The following SUN3 variants were observed in gnomAD, a reference collection of about 807,000 sequenced individuals.
SUN3 encodes SUN domain-containing protein 3.
SUN3 carries 36 observed loss-of-function variants against 48.2 expected under a neutral mutation model. The ratio of observed to expected loss-of-function variants is 0.75; its 90% confidence interval spans 0.57 to 0.99. The LOEUF (loss-of-function observed/expected upper bound fraction) is 0.99, where lower values mean the gene tolerates loss of function less well. Ranked by LOEUF, SUN3 falls within the 50% of genes least tolerant of loss-of-function variation. The probability of loss-of-function intolerance (pLI) is 0.00; values close to 1 mark genes in which losing one functional copy is unlikely to be tolerated. For missense variants in SUN3, 419 were observed against 433.1 expected, an observed-to-expected ratio of 0.97 and a Z score of 0.29; for synonymous variants, 148 against 147.9, an observed-to-expected ratio of 1.00 and a Z score of 0.00.
At chr7:48,006,169 C>T (rs1789520036) in intron 5 of SUN3, 116 bp from the exon 6 acceptor site, 1 of 666,804 alleles carries the variant, frequency 1.5e-6, no homozygotes, top group Admixed American at 2.6e-5. Flanking sequence ...CAGTGAGCCC[C>T]TATCAGCTGC....
intron 2 of SUN3, among the ~76,000 whole-genome samples, chr7:48,022,848 C>T (rs1790037669): frequency 6.6e-6 from 1 of 151,720 alleles, no homozygotes; most frequent in Non-Finnish European, 1.5e-5. Flanking sequence ...ACTATAGAGG[C>T]CAGAAGACAG....
upstream of SUN3, among the ~76,000 whole-genome samples, chr7:48,033,476 C>A (rs1344271305): frequency 1.3e-5 from 2 of 152,124 alleles, no homozygotes; most frequent in African/African-American, 4.8e-5. Context: ...GTGGGAGGAT[C>A]TCCTGAGCTT....
chr7:48,007,098 C>A (rs569566899), intron 5 of SUN3, 67 bp downstream of exon 5: 2 of 1,492,448 alleles, frequency 1.3e-6, no homozygotes, highest in South Asian at 1.3e-5. Flanking sequence ...ACTCACTCCC[C>A]GTCACCCTGG....
the SUN3 span, among the ~76,000 whole-genome samples, chr7:48,035,301 AC>A: frequency 2.8e-4 from 36 of 127,546 alleles, no homozygotes; most frequent in African/African-American, 9.2e-4. The surrounding 1 kb of genome is among the most constrained non-coding windows in gnomAD (Gnocchi z 4.0). Flanking sequence ...CCCTGCTCCC[AC>A]CCCCGCTGCG....
At chr7:47,995,573 T>C (rs148312138) in intron 7 of SUN3, among the ~76,000 whole-genome samples, 154 of 152,256 alleles carry the variant, frequency 1.0e-3, no homozygotes, top group African/African-American at 3.6e-3. Flanking sequence ...ACTGAAAAGT[T>C]TGGTGGGGAT....
intron 2 of SUN3, among the ~76,000 whole-genome samples, chr7:48,017,881 A>G (rs1361240020): frequency 1.3e-5 from 2 of 152,196 alleles, no homozygotes; most frequent in African/African-American, 2.4e-5. Flanking sequence ...GGCAATATCT[A>G]TTGAAAGACT....
At chr7:47,999,936 G>C (rs1170474544) in intron 6 of SUN3, among the ~76,000 whole-genome samples, 2 of 152,182 alleles carry the variant, frequency 1.3e-5, no homozygotes, top group Non-Finnish European at 2.9e-5. Flanking sequence ...GTTTATTTGA[G>C]TTAACTTTTT....
chr7:48,011,114 T>C (rs1485016348), intron 3 of SUN3, among the ~76,000 whole-genome samples: 1 of 152,218 alleles, frequency 6.6e-6, no homozygotes, highest in African/African-American at 2.4e-5. Flanking sequence ...TAATTACATC[T>C]GCAAATACCT....
At chr7:48,024,121 C>A (rs184987981) in intron 2 of SUN3, among the ~76,000 whole-genome samples, 42 of 152,154 alleles carry the variant, frequency 2.8e-4, no homozygotes, top group African/African-American at 9.4e-4. Context: ...GAGCTAAAAC[C>A]AGAAAACTCT....
intron 6 of SUN3, among the ~76,000 whole-genome samples, chr7:48,003,501 A>G (rs1789445420): frequency 6.6e-6 from 1 of 152,222 alleles, no homozygotes; most frequent in Admixed American, 6.5e-5. Context: ...TTTAGGCAGT[A>G]TGGGCATTTT....
At chr7:48,022,864 T>A (rs1396379589) in intron 2 of SUN3, among the ~76,000 whole-genome samples, 2 of 152,054 alleles carry the variant, frequency 1.3e-5, no homozygotes, top group East Asian at 3.9e-4. Flanking sequence ...GACAGTGGGA[T>A]GACATATTTA....
At chr7:47,999,754 C>T (rs886201546) in intron 6 of SUN3, among the ~76,000 whole-genome samples, 6 of 152,186 alleles carry the variant, frequency 3.9e-5, no homozygotes, top group Non-Finnish European at 7.3e-5. Context: ...AGGCTGGTCT[C>T]GAACTCCTGA....
intron 8 of SUN3, 115 bp downstream of exon 8, chr7:47,994,200 C>T: frequency 1.1e-6 from 1 of 924,246 alleles, no homozygotes. Context: ...AGCAGAAGTC[C>T]AGGAAATAAG....
chr7:48,016,551 C>G (rs1026464410), intron 3 of SUN3, among the ~76,000 whole-genome samples: 1 of 152,150 alleles, frequency 6.6e-6, no homozygotes, highest in South Asian at 2.1e-4. Flanking sequence ...AGAGGACATT[C>G]AGTGACTAGC....
chr7:47,997,285 A>T (rs1789240041), intron 6 of SUN3, among the ~76,000 whole-genome samples: 2 of 152,114 alleles, frequency 1.3e-5, no homozygotes, highest in Non-Finnish European at 2.9e-5. Flanking sequence ...ATACTAAAAG[A>T]TTATTTGCTA....
intron 6 of SUN3, among the ~76,000 whole-genome samples, 176 bp from the exon 7 acceptor site, chr7:47,996,322 T>C (rs1789211352): frequency 6.6e-6 from 1 of 152,212 alleles, no homozygotes; most frequent in African/African-American, 2.4e-5. Flanking sequence ...CACTGAAATT[T>C]TGTCATTTTG....
At chr7:48,019,888 A>C (rs1789917242) in intron 2 of SUN3, among the ~76,000 whole-genome samples, 1 of 149,620 alleles carries the variant, frequency 6.7e-6, no homozygotes, top group Non-Finnish European at 1.5e-5. Flanking sequence ...TATGCAAACT[A>C]TTCTGAAAAA....
At chr7:48,003,467 A>C (rs935334200) in intron 6 of SUN3, among the ~76,000 whole-genome samples, 1 of 152,234 alleles carries the variant, frequency 6.6e-6, no homozygotes, top group Admixed American at 6.5e-5. Context: ...GTTTAATAAG[A>C]ATAGCATTGG....
intron 8 of SUN3, among the ~76,000 whole-genome samples, chr7:47,991,365 A>T (rs1789053655): frequency 6.6e-6 from 1 of 152,182 alleles, no homozygotes; most frequent in African/African-American, 2.4e-5. Context: ...CCTTTCTGAG[A>T]TGGAACTTAG....
Sources: allele counts gnomAD v4.1 joint callset (sites outside exome capture counted in the v4.1 genomes callset), GRCh38; gene constraint gnomAD v4.1.1; non-coding constraint Gnocchi (gnomAD v3.1); transcripts MANE v1.5; gene names NCBI Gene and HGNC (gene_info 2026-07-23, HGNC 2026-07-21).